Variants in SP3 observed in about 807,000 individuals in gnomAD.
The protein encoded by SP3 is transcription factor Sp3.
SP3 carries 10 observed loss-of-function variants against 70.3 expected under a neutral mutation model. That is an observed-to-expected ratio of 0.14 (90% CI 0.09 to 0.24). SP3 has a LOEUF of 0.24. Ranked by LOEUF, SP3 falls within the 10% of genes least tolerant of loss-of-function variation. SP3 has a pLI of 1.00. For synonymous variants in SP3, 402 were observed against 333.5 expected, an observed-to-expected ratio of 1.21 and a Z score of -2.24; for missense variants, 825 against 914.6, an observed-to-expected ratio of 0.90 and a Z score of 1.26.
intron 4 of SP3, among the ~76,000 whole-genome samples, chr2:173,938,540 GTATC>G (rs1028636631): frequency 7.0e-6 from 1 of 143,226 alleles, no homozygotes; most frequent in African/African-American, 2.6e-5. Context: ...CGTTTATTCT[GTATC>G]TATTATTGGC....
chr2:173,922,016 G>A (rs1287574501), intron 4 of SP3, among the ~76,000 whole-genome samples: 2 of 152,130 alleles, frequency 1.3e-5, no homozygotes, highest in Non-Finnish European at 2.9e-5. Flanking sequence ...CCAGATGCCA[G>A]CACTATGCTT....
intron 4 of SP3, among the ~76,000 whole-genome samples, chr2:173,942,332 G>A (rs894159285): frequency 4.6e-5 from 7 of 152,146 alleles, no homozygotes; most frequent in Non-Finnish European, 8.8e-5. Flanking sequence ...TTGGGAGGCC[G>A]AGGCAGGTGG....
rs532708701 is a variant in SP3, at chr2:173,908,814, C to T, written c.*1127G>A. On this transcript the variant is annotated 3_prime_UTR_variant, in exon 7 of 7. Transcript: ENST00000310015. ...AAAATACAGCATAATAAAAAACATA[C>T]GCTTCTCAATTAAATGTACTGGATA... 5 of 151,656 alleles carry T rather than the reference C, an allele frequency of 3.3e-5. No individual in the cohort carries two copies. The highest frequency in any genetic ancestry group is 2.1e-4 in the South Asian group (1 of 4,822). The allele number at this position is 151,656 out of a possible 1,614,324, so 9.4% of individuals were successfully genotyped here.
rs1417147663 is a variant in SP3 at position 173,955,553 on chromosome 2, A to G, written c.959T>C (p.Ile320Thr). ...ATCTGTATCAGTATTAGTTTCATTA[A>G]TATCAGGAGAAACCCGCTCACCAGT... ...ERTGERVSPD[I>T]NETNTDTDLF... The change falls in exon 4 of 7, where the codon ATT becomes ACT. Residue 320 changes from isoleucine (I) to threonine (T), a missense_variant. By Grantham distance (89) the Ile-to-Thr change is moderately conservative. Around this residue, in one of 4 missense-constraint regions of SP3, gnomAD observed 678 missense variants for 651.6 expected, o/e 1.04. Transcript: ENST00000310015. 23 of 1,613,982 alleles carry G rather than the reference A, an allele frequency of 1.4e-5. No homozygotes were observed. Among genetic ancestry groups the G allele is most frequent in the East Asian group, 2.2e-5 (1 of 44,898 alleles).
chr2:173,912,562 C>G (rs1302253217), intron 6 of SP3, among the ~76,000 whole-genome samples: 1 of 152,142 alleles, frequency 6.6e-6, no homozygotes, highest in East Asian at 1.9e-4. Flanking sequence ...CCACACAACA[C>G]TATGTAAAAA....
chr2:173,906,172 T>C lies in SP3; in HGVS notation c.*3769A>G, dbSNP rs1425861313. On this transcript the variant is annotated 3_prime_UTR_variant, in exon 7 of 7. Coordinates refer to ENST00000310015, the MANE Select transcript of SP3 (RefSeq NM_003111.5). ...TCACAAAGTCCCCCATCACCCAACA[T>C]ACCACACTGTACCTTTGCAAACGCC... Among the ~76,000 whole-genome samples the C allele has an allele frequency of 2.0e-5, 3 of 152,144 alleles. No individual in the cohort carries two copies. The highest frequency in any genetic ancestry group is 2.9e-5 in the Non-Finnish European group (2 of 68,020).
intron 4 of SP3, among the ~76,000 whole-genome samples, chr2:173,926,200 C>T (rs1689904263): frequency 6.6e-6 from 1 of 152,138 alleles, no homozygotes; most frequent in East Asian, 1.9e-4. Flanking sequence ...TCTAGTCTAA[C>T]TTAGTCTAAC....
chr2:173,957,167 T>C (rs1226946122), intron 3 of SP3, among the ~76,000 whole-genome samples: 1 of 152,172 alleles, frequency 6.6e-6, no homozygotes, highest in Non-Finnish European at 1.5e-5. Flanking sequence ...TTGAGAAATA[T>C]ATACAGTTAT....
At chr2:173,962,553 G>GA (rs1691121131) in intron 3 of SP3, among the ~76,000 whole-genome samples, 1 of 151,806 alleles carries the variant, frequency 6.6e-6, no homozygotes, top group African/African-American at 2.4e-5. Flanking sequence ...ATCTGCTTAT[G>GA]AAAAAACAAG....
intron 3 of SP3, among the ~76,000 whole-genome samples, chr2:173,957,757 G>A (rs748736503): frequency 1.3e-5 from 2 of 152,148 alleles, no homozygotes; most frequent in Non-Finnish European, 2.9e-5. Context: ...CTCAATGAAG[G>A]AGACTGAAAG....
chr2:173,955,538 G>A lies in SP3; in HGVS notation c.974C>T (p.Thr325Ile), dbSNP rs777160445. ...TGTTGGCACAAATAAATCTGTATCA[G>A]TATTAGTTTCATTAATATCAGGAGA... ...RVSPDINETNTDTDLFVPTSS... is the reference protein window; with the variant it reads ...RVSPDINETNIDTDLFVPTSS... Residue 325 changes from threonine (T) to isoleucine (I), a missense_variant, in exon 4 of 7, where the codon ACT becomes ATT. By Grantham distance (89) the Thr-to-Ile change is moderately conservative. This residue lies in a region of SP3 where 678 missense variants were observed against 651.6 expected (regional missense o/e 1.04). Coordinates refer to ENST00000310015, the MANE Select transcript of SP3 (RefSeq NM_003111.5). 4.3e-6 allele frequency: 7 copies of A among 1,614,062 alleles called. No homozygotes were observed. In the South Asian group the frequency reaches 7.7e-5, roughly 18 times the overall value.
intron 4 of SP3, among the ~76,000 whole-genome samples, chr2:173,927,998 ATTTCTTC>A: frequency 6.6e-6 from 1 of 152,198 alleles, no homozygotes; most frequent in South Asian, 2.1e-4. Context: ...ATAGTTTTTT[ATTTCTTC>A]TACTTGTTTT....
intron 4 of SP3, among the ~76,000 whole-genome samples, chr2:173,935,419 TCAAAAC>T (rs1690180280): frequency 6.6e-6 from 1 of 151,966 alleles, no homozygotes; most frequent in African/African-American, 2.4e-5. Context: ...AACAAAACAA[TCAAAAC>T]CAAACTATCT....
chr2:173,956,884 A>G (rs1690911797), intron 3 of SP3, among the ~76,000 whole-genome samples: 2 of 152,186 alleles, frequency 1.3e-5, no homozygotes, highest in African/African-American at 4.8e-5. Context: ...GAGGATACAC[A>G]CTGTGACTTT....
At chr2:173,956,920 A>T (rs1395369069) in intron 3 of SP3, among the ~76,000 whole-genome samples, 1 of 152,192 alleles carries the variant, frequency 6.6e-6, no homozygotes, top group African/African-American at 2.4e-5. Flanking sequence ...TTTTCAGTAG[A>T]ATGTCTGGCA....
chr2:173,918,473 A>G, intron 5 of SP3, 120 bp downstream of exon 5: 6 of 1,055,804 alleles, frequency 5.7e-6, no homozygotes, highest in Non-Finnish European at 8.3e-6. Flanking sequence ...ACGCATACAC[A>G]CACACCAAAA....
intron 4 of SP3, among the ~76,000 whole-genome samples, chr2:173,927,399 C>G (rs1471430865): frequency 6.6e-6 from 1 of 151,974 alleles, no homozygotes; most frequent in South Asian, 2.1e-4. Flanking sequence ...ATCTCAGCCT[C>G]CCGAGTAGCT....
At chr2:173,946,100 C>A (rs1690526724) in intron 4 of SP3, among the ~76,000 whole-genome samples, 1 of 152,020 alleles carries the variant, frequency 6.6e-6, no homozygotes, top group South Asian at 2.1e-4. Flanking sequence ...GCACTCCAGC[C>A]TGGGTGACAG....
intron 4 of SP3, among the ~76,000 whole-genome samples, chr2:173,926,103 C>A (rs571751505): frequency 1.3e-5 from 2 of 152,258 alleles, no homozygotes; most frequent in South Asian, 2.1e-4. Flanking sequence ...TCAAAACAAA[C>A]TATGACTACA....
Sources: allele counts gnomAD v4.1 joint callset (sites outside exome capture counted in the v4.1 genomes callset), GRCh38; gene constraint gnomAD v4.1.1; regional missense constraint gnomAD v4.1.1; transcripts MANE v1.5; gene names NCBI Gene and HGNC (gene_info 2026-07-23, HGNC 2026-07-21).